PCCA: variants seen among roughly 807,000 people sequenced by gnomAD.
PCCA encodes propionyl-CoA carboxylase alpha chain, mitochondrial.
In PCCA, 74 loss-of-function variants were observed where a neutral mutation model predicts 101.3. The observed-to-expected ratio is 0.73, with a 90% CI of 0.61 to 0.89. The LOEUF (loss-of-function observed/expected upper bound fraction) is 0.89. Among genes scored for constraint, PCCA ranks in the 40% least tolerant of loss-of-function variants. The pLI is 0.00. For synonymous variants in PCCA, 294 were observed against 313.6 expected (o/e 0.94, Z 0.66); for missense variants, 891 against 907.0 (o/e 0.98, Z 0.23).
intron 6 of PCCA, among the ~76,000 whole-genome samples, chr13:100,170,059 T>A (rs780057047): frequency 6.6e-6 from 1 of 152,196 alleles, no homozygotes; most frequent in Non-Finnish European, 1.5e-5. Context: ...GCTTATTAAC[T>A]CTTTGCTAGA....
At chr13:100,528,290 G>C (rs1458431718) in intron 23 of PCCA, among the ~76,000 whole-genome samples, 2 of 152,164 alleles carry the variant, frequency 1.3e-5, no homozygotes, top group African/African-American at 2.4e-5. Context: ...CTTGAAGATA[G>C]AAAAGTCCTT....
chr13:100,489,286 C>T (rs1024811710), intron 21 of PCCA, among the ~76,000 whole-genome samples: 5 of 151,840 alleles, frequency 3.3e-5, no homozygotes, highest in South Asian at 2.1e-4. Flanking sequence ...CCAGCCTGGG[C>T]GACAGAGCGA....
At chr13:100,362,955 A>G (rs1178098485) in intron 18 of PCCA, among the ~76,000 whole-genome samples, 1 of 152,198 alleles carries the variant, frequency 6.6e-6, no homozygotes, top group Non-Finnish European at 1.5e-5. Flanking sequence ...TTCTGCAGTG[A>G]TGAACTTTAA....
chr13:100,502,213 G>T (rs191442122), intron 21 of PCCA, among the ~76,000 whole-genome samples: 21 of 152,222 alleles, frequency 1.4e-4, no homozygotes, highest in Non-Finnish European at 2.9e-4. Flanking sequence ...AATCCATCTC[G>T]TTCAGAGTGA....
chr13:100,248,985 C>G (rs4630394), intron 8 of PCCA, among the ~76,000 whole-genome samples: 1 of 152,086 alleles, frequency 6.6e-6, no homozygotes, highest in Non-Finnish European at 1.5e-5. Flanking sequence ...AACCCCTGAC[C>G]TCAGGTGATC....
intron 12 of PCCA, among the ~76,000 whole-genome samples, chr13:100,275,858 G>A (rs1339888989): frequency 6.6e-6 from 1 of 152,070 alleles, no homozygotes; most frequent in Non-Finnish European, 1.5e-5. Context: ...AGGGAGCTTA[G>A]AACATTTAAA....
At chr13:100,117,640 G>A (rs2048926696) in intron 4 of PCCA, among the ~76,000 whole-genome samples, 1 of 151,992 alleles carries the variant, frequency 6.6e-6, no homozygotes, top group Admixed American at 6.6e-5. Context: ...GGGGGATGGG[G>A]GAGGGATAGC....
chr13:100,469,706 G>A (rs1037712122), intron 21 of PCCA, among the ~76,000 whole-genome samples: 3 of 150,010 alleles, frequency 2.0e-5, no homozygotes, highest in Non-Finnish European at 3.0e-5. Flanking sequence ...CTTGAAACCC[G>A]GAGGCTGAGG....
chr13:100,469,571 G>T (rs1443460263), intron 21 of PCCA, among the ~76,000 whole-genome samples: 1 of 152,050 alleles, frequency 6.6e-6, no homozygotes, highest in Non-Finnish European at 1.5e-5. Context: ...AAGGTGAAGA[G>T]TTCAAGACCA....
chr13:100,205,716 A>G lies in PCCA; in HGVS notation c.469-3616A>G, dbSNP rs1003518075. On this transcript the variant is annotated intron_variant, in intron 6 of 23. Transcript: ENST00000376285. ...TGTTCTCATTTATGTTATTTCTTCA[A>G]TTCTTTGTGTGGGTACTCTGATTGC... Among the ~76,000 whole-genome samples, 10 of 151,986 alleles carry G rather than the reference A, an allele frequency of 6.6e-5. No homozygotes were observed. In the South Asian group the frequency reaches 8.3e-4, roughly 13 times the overall value.
intron 16 of PCCA, among the ~76,000 whole-genome samples, chr13:100,318,644 C>A (rs1427596936): frequency 1.3e-5 from 2 of 152,042 alleles, no homozygotes; most frequent in Non-Finnish European, 2.9e-5. Flanking sequence ...ATCCATGTCC[C>A]TACAAAGGAC....
At chr13:100,182,033 T>G (rs2056836018) in intron 6 of PCCA, among the ~76,000 whole-genome samples, 1 of 151,478 alleles carries the variant, frequency 6.6e-6, no homozygotes. Flanking sequence ...CTTCTATAAC[T>G]GCCCCTTGTA....
At chr13:100,516,826 T>C (rs2086863138) in intron 22 of PCCA, among the ~76,000 whole-genome samples, 1 of 150,638 alleles carries the variant, frequency 6.6e-6, no homozygotes, top group Non-Finnish European at 1.5e-5. Flanking sequence ...GAGGATAGTC[T>C]CGTGGCCTTG....
At chr13:100,162,420 T>A (rs1371102248) in intron 6 of PCCA, among the ~76,000 whole-genome samples, 1 of 151,954 alleles carries the variant, frequency 6.6e-6, no homozygotes, top group Non-Finnish European at 1.5e-5. Context: ...TGAGAGAGTA[T>A]GGATCCGTTG....
At chr13:100,217,791 G>A (rs1015209782) in intron 7 of PCCA, among the ~76,000 whole-genome samples, 1 of 138,746 alleles carries the variant, frequency 7.2e-6, no homozygotes, top group Non-Finnish European at 1.5e-5. Context: ...GGGGGCGGAG[G>A]TTTTTTGTGT....
At chr13:100,272,564 GAC>G (rs140863707) in intron 11 of PCCA, among the ~76,000 whole-genome samples, 2 of 150,378 alleles carry the variant, frequency 1.3e-5, no homozygotes. Flanking sequence ...ACCATGAAAT[GAC>G]ACACACACAC....
chr13:100,178,661 T>G (rs1349278346), intron 6 of PCCA, among the ~76,000 whole-genome samples: 1 of 152,080 alleles, frequency 6.6e-6, no homozygotes, highest in African/African-American at 2.4e-5. Flanking sequence ...TTGCGGAGGG[T>G]GGGGACGGAG....
chr13:100,490,549 A>C (rs1293615385), intron 21 of PCCA: 1 of 152,204 alleles, frequency 6.6e-6, no homozygotes, highest in Non-Finnish European at 1.5e-5. Context: ...TTTTCTAAAC[A>C]TTTTTAGTAT....
At chr13:100,252,097 C>T (rs765237115) in intron 8 of PCCA, among the ~76,000 whole-genome samples, 1 of 152,166 alleles carries the variant, frequency 6.6e-6, no homozygotes, top group Non-Finnish European at 1.5e-5. Flanking sequence ...TCATGAGCAA[C>T]TTTCATCTGG....
Sources: allele counts gnomAD v4.1 joint callset (sites outside exome capture counted in the v4.1 genomes callset), GRCh38; gene constraint gnomAD v4.1.1; transcripts MANE v1.5; gene names NCBI Gene and HGNC (gene_info 2026-07-23, HGNC 2026-07-21).